The following CLVS1 variants were observed in gnomAD, a reference collection of about 807,000 sequenced individuals.
The protein encoded by CLVS1 is clavesin-1.
In CLVS1, 10 loss-of-function variants were observed where a neutral mutation model predicts 33.1. That is an observed-to-expected ratio of 0.30 (90% CI 0.19 to 0.51). The LOEUF (loss-of-function observed/expected upper bound fraction) is 0.51, where lower values mean the gene tolerates loss of function less well. CLVS1 is among the 20% of genes least tolerant of loss of function. The pLI, the probability that CLVS1 is intolerant of heterozygous loss-of-function variation, is 0.97. For missense variants in CLVS1, 343 were observed against 433.4 expected (o/e 0.79, Z 1.85); for synonymous variants, 163 against 166.1 (o/e 0.98, Z 0.14).
chr8:61,342,500 T>G (rs1251187779), intron 2 of CLVS1, among the ~76,000 whole-genome samples: 1 of 152,222 alleles, frequency 6.6e-6, no homozygotes, highest in Admixed American at 6.5e-5. Flanking sequence ...TTTCGCACTA[T>G]GTGTCCTTGG....
At position 61,440,517 on chromosome 8, in the gene CLVS1, C is replaced by T. The variant is rs190860423; in HGVS notation, c.631-13624C>T. ...CTTCAAATGACTTCCATGTTCCTTC[C>T]GTCATTCTTCCTTCTCCAAGAGACA... On this transcript the variant is annotated intron_variant, in intron 3 of 5. Transcript: ENST00000325897. Among the ~76,000 whole-genome samples, 11 of 152,288 alleles carry T rather than the reference C, an allele frequency of 7.2e-5. No individual in the cohort carries two copies. In the East Asian group the frequency reaches 1.7e-3, roughly 24 times the overall value.
At chr8:61,176,400 A>G (rs1241005239) in intron 2 of CLVS1, among the ~76,000 whole-genome samples, 3 of 152,170 alleles carry the variant, frequency 2.0e-5, no homozygotes, top group South Asian at 2.1e-4. Flanking sequence ...GACAAGGCCC[A>G]CCCAAGAGCA....
At chr8:61,335,988 G>A (rs1271840160) in intron 2 of CLVS1, among the ~76,000 whole-genome samples, 1 of 152,188 alleles carries the variant, frequency 6.6e-6, no homozygotes, top group African/African-American at 2.4e-5. Context: ...GGAGACAAGA[G>A]TCAGGGAATA....
chr8:61,341,118 T>C (rs1184889040), intron 2 of CLVS1, among the ~76,000 whole-genome samples: 7 of 152,206 alleles, frequency 4.6e-5, no homozygotes, highest in Non-Finnish European at 8.8e-5. Context: ...AAGAATAAAT[T>C]ATGCCTCGTA....
chr8:61,188,660 A>G (rs1017125924), intron 2 of CLVS1, among the ~76,000 whole-genome samples: 1 of 152,122 alleles, frequency 6.6e-6, no homozygotes, highest in Non-Finnish European at 1.5e-5. Flanking sequence ...AACAATAGGC[A>G]TAGCTAAAGG....
the CLVS1 span, among the ~76,000 whole-genome samples, chr8:60,991,865 G>A: frequency 1.3e-5 from 2 of 151,408 alleles, no homozygotes; most frequent in Non-Finnish European, 2.9e-5. Flanking sequence ...TTTTGCCTCA[G>A]CCACCTGAGG....
At chr8:61,455,574 G>C (rs538838858) in intron 4 of CLVS1, among the ~76,000 whole-genome samples, 1 of 152,080 alleles carries the variant, frequency 6.6e-6, no homozygotes, top group South Asian at 2.1e-4. Flanking sequence ...ATTCCTCTCG[G>C]TATATATCCA....
chr8:61,004,435 G>C, the CLVS1 span, among the ~76,000 whole-genome samples: 1 of 152,234 alleles, frequency 6.6e-6, no homozygotes, highest in Non-Finnish European at 1.5e-5. Context: ...TTGGGAGAAA[G>C]GTCCCCAGAA....
At chr8:61,035,525 C>T in the CLVS1 span, among the ~76,000 whole-genome samples, 10 of 152,228 alleles carry the variant, frequency 6.6e-5, no homozygotes, top group African/African-American at 1.9e-4. Flanking sequence ...GGGCGTCTGA[C>T]GTGTCTCACC....
chr8:61,376,861 T>C, intron 3 of CLVS1, 82 bp downstream of exon 3: 1 of 1,282,242 alleles, frequency 7.8e-7, no homozygotes, highest in Non-Finnish European at 1.1e-6. Flanking sequence ...GTAATATTTA[T>C]CCTTTGGAGT....
Position 61,499,539 on chromosome 8 carries a change from C to A in CLVS1, c.1062C>A (p.Asp354Glu). 6.2e-7 allele frequency: 1 copy of A among 1,612,582 alleles called. No individual in the cohort carries two copies. Among genetic ancestry groups the A allele is most frequent in the Non-Finnish European group, 8.5e-7 (1 of 1,178,764 alleles). The change falls in exon 6 of 6, where the codon GAC becomes GAA. Residue 354 changes from aspartate (D) to glutamate (E), a missense_variant. By Grantham distance (45) the Asp-to-Glu change is conservative. Transcript: ENST00000325897. ...ACACCCAGCCACTCCTGGCTCTGGA[C>A]TGAACCCTGAGTCACCCCAATGCTC... is the stretch of plus-strand genomic sequence containing the variant. ...NENTQPLLALD is the reference protein window; with the variant it reads ...NENTQPLLALE
intron 1 of CLVS1, among the ~76,000 whole-genome samples, chr8:61,112,151 G>A (rs572160971): frequency 1.3e-5 from 2 of 148,590 alleles, no homozygotes; most frequent in Non-Finnish European, 3.0e-5. Context: ...TATCATAATC[G>A]CTGTTATTAT....
intron 2 of CLVS1, among the ~76,000 whole-genome samples, chr8:61,152,797 T>C (rs1806566713): frequency 2.0e-5 from 3 of 152,266 alleles, no homozygotes; most frequent in African/African-American, 7.2e-5. Context: ...CAAAATACTA[T>C]CACGTTGGGG....
intron 2 of CLVS1, among the ~76,000 whole-genome samples, chr8:61,158,952 G>C (rs762861867): frequency 3.9e-5 from 6 of 152,150 alleles, no homozygotes; most frequent in Non-Finnish European, 8.8e-5. Context: ...TCAGCCTCCA[G>C]AGTAGCTAGG....
chr8:61,475,579 C>G (rs977571414), intron 5 of CLVS1, among the ~76,000 whole-genome samples: 1 of 152,166 alleles, frequency 6.6e-6, no homozygotes, highest in South Asian at 2.1e-4. Flanking sequence ...TGTTTTTTGG[C>G]TGCATAAATG....
chr8:61,216,917 T>G (rs1194147874), intron 2 of CLVS1, among the ~76,000 whole-genome samples: 1 of 152,210 alleles, frequency 6.6e-6, no homozygotes, highest in Non-Finnish European at 1.5e-5. Context: ...TACATATATT[T>G]TCCTTCTGAA....
intron 2 of CLVS1, among the ~76,000 whole-genome samples, chr8:61,247,964 G>T (rs530846373): frequency 6.6e-6 from 1 of 152,216 alleles, no homozygotes; most frequent in East Asian, 1.9e-4. Context: ...TTTTGTATAT[G>T]GTGTAAGGAA....
chr8:61,266,699 C>T (rs1347219310), intron 2 of CLVS1, among the ~76,000 whole-genome samples: 6 of 152,204 alleles, frequency 3.9e-5, no homozygotes, highest in Non-Finnish European at 5.9e-5. Context: ...GCAATAGCTT[C>T]ACTCTCCCTA....
At chr8:61,153,491 A>G (rs1460272104) in intron 2 of CLVS1, among the ~76,000 whole-genome samples, 1 of 152,232 alleles carries the variant, frequency 6.6e-6, no homozygotes, top group African/African-American at 2.4e-5. Context: ...TCCAGGGTCA[A>G]TGGTGTGAAG....
Sources: allele counts gnomAD v4.1 joint callset (sites outside exome capture counted in the v4.1 genomes callset), GRCh38; gene constraint gnomAD v4.1.1; transcripts MANE v1.5; gene names NCBI Gene and HGNC (gene_info 2026-07-23, HGNC 2026-07-21).